CCDC171: variants seen among roughly 807,000 people sequenced by gnomAD.
The protein encoded by CCDC171 is coiled-coil domain-containing protein 171.
In CCDC171, 177 loss-of-function variants were observed where a neutral mutation model predicts 168.2. That is an observed-to-expected ratio of 1.05 (90% CI 0.93 to 1.19). The LOEUF is 1.19. CCDC171 is among the 50% of genes most tolerant of loss of function. The probability of loss-of-function intolerance (pLI) is 0.00; values close to 1 mark genes in which losing one functional copy is unlikely to be tolerated. For synonymous variants in CCDC171, 687 were observed against 540.8 expected (o/e 1.27, Z -3.75); for missense variants, 1,991 against 1,539.0 (o/e 1.29, Z -4.91).
intron 21 of CCDC171, among the ~76,000 whole-genome samples, chr9:15,810,675 C>A (rs1013112470): frequency 1.3e-5 from 2 of 152,232 alleles, no homozygotes; most frequent in Non-Finnish European, 2.9e-5. Context: ...CTGGGGCCGG[C>A]AGTGCCGGCT....
At chr9:15,938,091 C>G (rs190570079) in intron 25 of CCDC171, among the ~76,000 whole-genome samples, 4 of 151,864 alleles carry the variant, frequency 2.6e-5, no homozygotes, top group Admixed American at 2.0e-4. Flanking sequence ...TGGTATCTAC[C>G]TCATCTATTA....
intron 6 of CCDC171, among the ~76,000 whole-genome samples, chr9:15,598,079 T>C (rs1303682635): frequency 6.6e-6 from 1 of 152,162 alleles, no homozygotes; most frequent in African/African-American, 2.4e-5. Flanking sequence ...ATCAATTTTG[T>C]TGATCTTTTC....
intron 21 of CCDC171, among the ~76,000 whole-genome samples, chr9:15,827,779 C>G (rs1050659263): frequency 2.0e-5 from 3 of 152,026 alleles, no homozygotes; most frequent in African/African-American, 7.2e-5. Flanking sequence ...GTTCAAAGAC[C>G]TTGTGATTTT....
At chr9:15,864,457 C>T (rs953270727) in intron 23 of CCDC171, among the ~76,000 whole-genome samples, 1 of 152,018 alleles carries the variant, frequency 6.6e-6, no homozygotes, top group African/African-American at 2.4e-5. Context: ...TATCCCTCCC[C>T]CCGCTCCCCG....
At chr9:15,664,063 A>G (rs774656770) in intron 8 of CCDC171, among the ~76,000 whole-genome samples, 12 of 152,164 alleles carry the variant, frequency 7.9e-5, no homozygotes, top group Non-Finnish European at 1.5e-4. Flanking sequence ...AATAATGTGT[A>G]CATATGGACA....
intron 8 of CCDC171, among the ~76,000 whole-genome samples, chr9:15,664,488 A>G (rs1468509016): frequency 1.3e-5 from 2 of 150,706 alleles, no homozygotes; most frequent in Non-Finnish European, 2.9e-5. Flanking sequence ...AGCTCAAATG[A>G]TCTGCTCACC....
chr9:16,043,566 C>A (rs1833607543), intron 1 of CCDC171, among the ~76,000 whole-genome samples: 2 of 152,158 alleles, frequency 1.3e-5, no homozygotes, highest in Middle Eastern at 3.2e-3. Context: ...TCTTTTACAC[C>A]TGCATGAAGT....
chr9:15,685,118 G>A (rs1330811393), intron 10 of CCDC171, among the ~76,000 whole-genome samples: 1 of 152,130 alleles, frequency 6.6e-6, no homozygotes, highest in Non-Finnish European at 1.5e-5. Context: ...AGCGTTTGTT[G>A]AGTCAACAAT....
chr9:15,553,953 T>G (rs1207873516), intron 1 of CCDC171, among the ~76,000 whole-genome samples: 1 of 152,154 alleles, frequency 6.6e-6, no homozygotes, highest in African/African-American at 2.4e-5. Context: ...GTCCAGCTCT[T>G]TTGAATACAT....
rs185069539 is a variant in CCDC171, at chr9:15,583,756, C to G, written c.352+4733C>G. 2.8e-3 allele frequency among the ~76,000 whole-genome samples: 421 copies of G among 151,992 alleles called. 2 individuals are homozygous for G. Among genetic ancestry groups the G allele is most frequent in the Non-Finnish European group, 4.6e-3 (313 of 67,996 alleles). ...ACTTTTGCCTGCAACCGAACACCAT[C>G]TGTTCCCCAAACTATTGAAATAAAA... On this transcript the variant is annotated intron_variant, in intron 4 of 25. Coordinates refer to ENST00000380701, the MANE Select transcript of CCDC171 (RefSeq NM_173550.4).
At chr9:15,955,847 C>A (rs973382231) in intron 25 of CCDC171, among the ~76,000 whole-genome samples, 1 of 151,804 alleles carries the variant, frequency 6.6e-6, no homozygotes, top group African/African-American at 2.4e-5. Context: ...AGGAAACAGA[C>A]GTGTGTGTAT....
rs1331013734 is a variant in CCDC171 at position 15,818,838 on chromosome 9, G to C, written c.3268-27864G>C. ...CCAACATTCAAATTCAGGAAATACA[G>C]AGAACGCCACAAAAATACTCCTCGA... On this transcript the variant is annotated intron_variant, in intron 21 of 25. Coordinates refer to ENST00000380701, the MANE Select transcript of CCDC171 (RefSeq NM_173550.4). Among the ~76,000 whole-genome samples, 48 of 116,748 alleles carry C rather than the reference G, an allele frequency of 4.1e-4. 15 individuals are homozygous for C. The highest frequency in any genetic ancestry group is 1.5e-3 in the African/African-American group (47 of 30,974). 76.6% of individuals were successfully genotyped at this position (116,748 alleles called of 152,430 possible).
chr9:15,571,913 A>G (rs1221627437), intron 3 of CCDC171, among the ~76,000 whole-genome samples, 154 bp downstream of exon 3: 2 of 152,176 alleles, frequency 1.3e-5, no homozygotes, highest in Admixed American at 1.3e-4. Context: ...TTTAAAATGT[A>G]GTGTAATTGC....
chr9:16,077,277 G>A, the CCDC171 span, among the ~76,000 whole-genome samples: 11 of 152,140 alleles, frequency 7.2e-5, no homozygotes, highest in Non-Finnish European at 1.6e-4. Context: ...CAGGTACATG[G>A]TGGGCAAATA....
chr9:15,745,833 G>A (rs2055235044), intron 18 of CCDC171, among the ~76,000 whole-genome samples: 2 of 152,092 alleles, frequency 1.3e-5, no homozygotes, highest in South Asian at 2.1e-4. Context: ...ATGGGGAAAT[G>A]ACATTTCTTG....
intron 21 of CCDC171, among the ~76,000 whole-genome samples, chr9:15,841,935 TA>T (rs1348648014): frequency 1.3e-5 from 2 of 152,010 alleles, no homozygotes; most frequent in Non-Finnish European, 2.9e-5. Flanking sequence ...AGTTGTTACA[TA>T]ACAGTAGGGC....
intron 3 of CCDC171, among the ~76,000 whole-genome samples, chr9:15,982,032 G>C (rs1456923083): frequency 1.3e-5 from 2 of 152,140 alleles, no homozygotes; most frequent in Admixed American, 1.3e-4. Context: ...TATTGTAGTT[G>C]TAGTTTATTC....
chr9:16,102,439 A>G, the CCDC171 span, among the ~76,000 whole-genome samples: 4 of 130,894 alleles, frequency 3.1e-5, no homozygotes, highest in African/African-American at 1.2e-4. Context: ...TTCATTATGG[A>G]TCTGAAGCTG....
At chr9:15,567,229 G>T (rs1218505726) in intron 2 of CCDC171, among the ~76,000 whole-genome samples, 1 of 151,886 alleles carries the variant, frequency 6.6e-6, no homozygotes, top group Non-Finnish European at 1.5e-5. Context: ...ACAATCTTGG[G>T]CAGGCTGGTC....
Sources: allele counts gnomAD v4.1 joint callset (sites outside exome capture counted in the v4.1 genomes callset), GRCh38; gene constraint gnomAD v4.1.1; transcripts MANE v1.5; gene names NCBI Gene and HGNC (gene_info 2026-07-23, HGNC 2026-07-21).